The following CDH12 variants were observed in gnomAD, a reference collection of about 807,000 sequenced individuals.
CDH12 encodes the protein cadherin 12.
CDH12 carries 41 observed loss-of-function variants against 74.1 expected under a neutral mutation model. The observed-to-expected ratio is 0.55, with a 90% CI of 0.43 to 0.72. CDH12 has a LOEUF of 0.72. Ranked by LOEUF, CDH12 falls within the 30% of genes least tolerant of loss-of-function variation. The probability of loss-of-function intolerance (pLI) is 0.00; values close to 1 mark genes in which losing one functional copy is unlikely to be tolerated. For synonymous variants in CDH12, 399 were observed against 355.0 expected (o/e 1.12, Z -1.39); for missense variants, 945 against 977.2 (o/e 0.97, Z 0.44).
chr5:22,836,523 C>G lies in CDH12; in HGVS notation c.-523+16535G>C, dbSNP rs143547925. 3.0e-3 allele frequency among the ~76,000 whole-genome samples: 457 copies of G among 152,062 alleles called. 3 individuals carry two copies. Among genetic ancestry groups the G allele is most frequent in the African/African-American group, 0.01 (433 of 41,498 alleles). On this transcript the variant is annotated intron_variant, in intron 1 of 14. Transcript: ENST00000382254. The stretch of plus-strand genomic sequence containing the variant: ...GGATTACAGGCATGAGCCACTGCGC[C>G]CAGCCAGTCCTGATGCTTTTTAAGG...
At chr5:22,326,385 G>T (rs77886210) in intron 3 of CDH12, among the ~76,000 whole-genome samples, 1 of 151,280 alleles carries the variant, frequency 6.6e-6, no homozygotes, top group Non-Finnish European at 1.5e-5. Context: ...ACAGGCACCC[G>T]CAACCACGCC....
chr5:21,895,271 G>A (rs945753469), intron 6 of CDH12, among the ~76,000 whole-genome samples: 1 of 152,170 alleles, frequency 6.6e-6, no homozygotes, highest in African/African-American at 2.4e-5. Flanking sequence ...CATGTTTAGA[G>A]GTATTATTTG....
Position 22,013,941 on chromosome 5 carries a change from T to C in CDH12, c.232-38556A>G, listed in dbSNP as rs560842987. On this transcript the variant is annotated intron_variant, in intron 5 of 14. Coordinates refer to ENST00000382254, the MANE Select transcript of CDH12 (RefSeq NM_004061.5). ...AAATTGCCTTATAAAAATGAACAAA[T>C]AGAGGCTGGGTGCAGTGGCTCACAC... Among the ~76,000 whole-genome samples the C allele has an allele frequency of 3.5e-4, 53 of 152,192 alleles. No homozygotes were observed. In the South Asian group the frequency reaches 5.6e-3, roughly 16 times the overall value.
intron 4 of CDH12, among the ~76,000 whole-genome samples, chr5:22,124,315 C>T (rs972720367): frequency 3.3e-5 from 5 of 151,970 alleles, no homozygotes; most frequent in Admixed American, 6.6e-5. Context: ...AGTGGAAACA[C>T]GGTTTCAGCG....
intron 6 of CDH12, among the ~76,000 whole-genome samples, chr5:21,930,639 T>C (rs1467559383): frequency 1.3e-5 from 2 of 152,216 alleles, no homozygotes; most frequent in African/African-American, 2.4e-5. Flanking sequence ...CTCCCATCCC[T>C]ACTATATTCC....
intron 3 of CDH12, among the ~76,000 whole-genome samples, chr5:22,401,470 A>G (rs1365771390): frequency 6.6e-6 from 1 of 152,188 alleles, no homozygotes. Flanking sequence ...TATATTATAA[A>G]GTGGTTTCAT....
chr5:22,422,151 T>C lies in CDH12; in HGVS notation c.-427-16800A>G, dbSNP rs139102488. 5.2e-4 allele frequency among the ~76,000 whole-genome samples: 79 copies of C among 152,282 alleles called. No homozygotes were observed. In the East Asian group the frequency reaches 0.015, roughly 28 times the overall value. On this transcript the variant is annotated intron_variant, in intron 2 of 14. Coordinates refer to ENST00000382254, the MANE Select transcript of CDH12 (RefSeq NM_004061.5). ...TGGTGAGAGAGGGCATTTTGTCTTA[T>C]GCCAGTTTTCAAGGGGAATGCTTCC...
rs143922529 is a variant in CDH12, at chr5:22,307,224, A to G, written c.-332-94581T>C. Among the ~76,000 whole-genome samples, 758 of 152,314 alleles carry G rather than the reference A, an allele frequency of 5.0e-3. 6 individuals are homozygous for G. Among genetic ancestry groups the G allele is most frequent in the African/African-American group, 0.017 (717 of 41,560 alleles). On this transcript the variant is annotated intron_variant, in intron 3 of 14. Transcript: ENST00000382254. The stretch of plus-strand genomic sequence containing the variant: ...CCAAAGAGCATGGCTCTGAATTCCA[A>G]TGGCCATACAGAAGAGCTGTATTCC...
chr5:22,500,947 A>AG (rs1747306584), intron 2 of CDH12, among the ~76,000 whole-genome samples: 1 of 152,122 alleles, frequency 6.6e-6, no homozygotes, highest in Admixed American at 6.6e-5. Flanking sequence ...AGGACAAAAA[A>AG]CATGTATGTA....
intron 5 of CDH12, among the ~76,000 whole-genome samples, chr5:22,039,431 C>T (rs1739420046): frequency 6.6e-6 from 1 of 152,048 alleles, no homozygotes; most frequent in East Asian, 1.9e-4. Context: ...CACCACAAGA[C>T]CCAGTGTCAC....
intron 2 of CDH12, among the ~76,000 whole-genome samples, chr5:22,425,177 A>ATATATATC (rs1743869602): frequency 6.8e-6 from 1 of 146,386 alleles, no homozygotes; most frequent in African/African-American, 2.5e-5. Context: ...ATATAAATAT[A>ATATATATC]TATATATATA....
chr5:22,217,844 T>A (rs1751874497), intron 3 of CDH12, among the ~76,000 whole-genome samples: 1 of 151,616 alleles, frequency 6.6e-6, no homozygotes, highest in South Asian at 2.1e-4. Flanking sequence ...GGTTTACCCT[T>A]TTGGAGAGTC....
rs1056326275 is a variant in CDH12 at position 22,344,049 on chromosome 5, G to T, written c.-333+61208C>A. On this transcript the variant is annotated intron_variant, in intron 3 of 14. Transcript: ENST00000382254. ...AATCACCTAAGAAACACCCTGAAGG[G>T]CTTGAAAAATGGATTATGGTTTTCT... Among the ~76,000 whole-genome samples, 32 of 152,234 alleles carry T rather than the reference G, an allele frequency of 2.1e-4. No homozygotes were observed. In the East Asian group the frequency reaches 5.0e-3, roughly 24 times the overall value.
At chr5:22,363,786 G>A (rs561339293) in intron 3 of CDH12, among the ~76,000 whole-genome samples, 32 of 152,196 alleles carry the variant, frequency 2.1e-4, no homozygotes, top group Non-Finnish European at 3.7e-4. Context: ...AATGCATTGA[G>A]TAGAAATGGG....
intron 1 of CDH12, among the ~76,000 whole-genome samples, chr5:22,790,891 T>G (rs924785153): frequency 1.9e-4 from 29 of 152,060 alleles, no homozygotes; most frequent in Admixed American, 1.4e-3. Context: ...ATCTTAGGAA[T>G]CAAACCACTT....
chr5:21,822,603 A>G (rs1057204724), intron 8 of CDH12, among the ~76,000 whole-genome samples: 1 of 152,094 alleles, frequency 6.6e-6, no homozygotes, highest in Non-Finnish European at 1.5e-5. Flanking sequence ...CATACTAAAC[A>G]TACAGTGAAT....
chr5:22,827,477 A>G (rs1356908360), intron 1 of CDH12, among the ~76,000 whole-genome samples: 1 of 152,196 alleles, frequency 6.6e-6, no homozygotes, highest in African/African-American at 2.4e-5. Context: ...GGCAGTGAAG[A>G]AGGGAAACGG....
chr5:22,181,611 A>G (rs1749650383), intron 4 of CDH12, among the ~76,000 whole-genome samples: 1 of 152,102 alleles, frequency 6.6e-6, no homozygotes, highest in Non-Finnish European at 1.5e-5. Context: ...TTTTATTCAC[A>G]TGCACTTAAC....
chr5:22,015,453 T>C (rs1295719948), intron 5 of CDH12, among the ~76,000 whole-genome samples: 1 of 152,180 alleles, frequency 6.6e-6, no homozygotes, highest in African/African-American at 2.4e-5. Context: ...AATTTACATT[T>C]TTATCTCTGA....
Sources: gnomAD v4.1 joint callset for allele counts (sites outside exome capture counted in the v4.1 genomes callset) on GRCh38, gnomAD v4.1.1 for gene constraint, MANE v1.5 for transcripts, NCBI Gene and HGNC (gene_info 2026-07-23, HGNC 2026-07-21) for gene names.